SHISA9: variants seen among roughly 807,000 people sequenced by gnomAD.
The protein encoded by SHISA9 is protein shisa-9.
In SHISA9, 13 loss-of-function variants were observed where a neutral mutation model predicts 38.0. The ratio of observed to expected loss-of-function variants is 0.34; its 90% CI spans 0.22 to 0.54. The LOEUF is 0.54. Ranked by LOEUF, SHISA9 falls within the 20% of genes least tolerant of loss-of-function variation. The pLI is 0.91. For missense variants in SHISA9, 538 were observed against 575.8 expected, an observed-to-expected ratio of 0.93 and a Z score of 0.67; for synonymous variants, 275 against 242.0, an observed-to-expected ratio of 1.14 and a Z score of -1.27.
the SHISA9 span, among the ~76,000 whole-genome samples, chr16:13,440,110 C>G: frequency 6.6e-6 from 1 of 152,200 alleles, no homozygotes; most frequent in Non-Finnish European, 1.5e-5. Context: ...AATTATCAGT[C>G]TTACTATCAC....
intron 1 of SHISA9, among the ~76,000 whole-genome samples, chr16:12,907,598 C>A (rs2071119583): frequency 6.6e-6 from 1 of 152,170 alleles, no homozygotes; most frequent in Admixed American, 6.5e-5. Context: ...TTAAAAATTT[C>A]TCACTCGCAC....
intron 2 of SHISA9, among the ~76,000 whole-genome samples, chr16:13,088,119 A>G (rs994508314): frequency 6.6e-6 from 1 of 152,184 alleles, no homozygotes; most frequent in Non-Finnish European, 1.5e-5. Context: ...TTCATCAAAG[A>G]TCAGATGGTT....
intron 2 of SHISA9, among the ~76,000 whole-genome samples, chr16:13,120,819 G>C (rs553426754): frequency 2.2e-4 from 33 of 152,306 alleles, no homozygotes; most frequent in African/African-American, 7.2e-4. Flanking sequence ...ATGCCTGTAT[G>C]ACAGTCAGAT....
At chr16:13,218,974 C>T (rs780849745) in intron 4 of SHISA9, among the ~76,000 whole-genome samples, 4 of 152,086 alleles carry the variant, frequency 2.6e-5, no homozygotes, top group Admixed American at 6.5e-5. Flanking sequence ...GGTCATGAGC[C>T]GCCGGGTGCA....
At chr16:13,107,581 G>A (rs1230895) in intron 2 of SHISA9, among the ~76,000 whole-genome samples, 30,042 of 151,538 alleles carry the variant, frequency 0.2, 3,351 homozygotes, top group Non-Finnish European at 0.25. Context: ...GTGAAGATAG[G>A]TCCAGAATTT....
chr16:13,130,489 A>G, intron 2 of SHISA9, among the ~76,000 whole-genome samples: 1 of 152,124 alleles, frequency 6.6e-6, no homozygotes. Context: ...TTGATACCAC[A>G]TCCTTATATT....
chr16:13,092,612 A>G (rs973228878), intron 2 of SHISA9, among the ~76,000 whole-genome samples: 3 of 152,242 alleles, frequency 2.0e-5, no homozygotes, highest in Non-Finnish European at 4.4e-5. Context: ...CTCCATGGGC[A>G]TGGGACCTGC....
chr16:13,050,279 G>C (rs1169007894), intron 2 of SHISA9, among the ~76,000 whole-genome samples: 3 of 151,922 alleles, frequency 2.0e-5, no homozygotes, highest in African/African-American at 7.3e-5. Flanking sequence ...AGATATTATG[G>C]ATAAATTAAT....
At chr16:13,359,009 A>G in the SHISA9 span, among the ~76,000 whole-genome samples, 1 of 152,196 alleles carries the variant, frequency 6.6e-6, no homozygotes, top group Non-Finnish European at 1.5e-5. Flanking sequence ...TAGAACTTTA[A>G]TAGCTCTGTA....
At chr16:12,931,634 G>T (rs1246605575) in intron 2 of SHISA9, among the ~76,000 whole-genome samples, 1 of 152,156 alleles carries the variant, frequency 6.6e-6, no homozygotes, top group Non-Finnish European at 1.5e-5. Flanking sequence ...TCTTTTTATG[G>T]CTCTGTAGTA....
At chr16:13,287,142 T>C in the SHISA9 span, among the ~76,000 whole-genome samples, 1 of 152,124 alleles carries the variant, frequency 6.6e-6, no homozygotes, top group Non-Finnish European at 1.5e-5. Context: ...AACATGGCCC[T>C]ACAATAAGAT....
At chr16:13,186,590 C>T (rs1470834635) in intron 2 of SHISA9, among the ~76,000 whole-genome samples, 2 of 152,092 alleles carry the variant, frequency 1.3e-5, no homozygotes, top group African/African-American at 4.8e-5. Flanking sequence ...AGCCACCGTG[C>T]CCAGCCATCC....
At chr16:13,176,505 T>C (rs2050732712) in intron 2 of SHISA9, among the ~76,000 whole-genome samples, 1 of 152,164 alleles carries the variant, frequency 6.6e-6, no homozygotes, top group Admixed American at 6.5e-5. Context: ...CTCTTGTGTT[T>C]GATGGTTTTA....
intron 1 of SHISA9, among the ~76,000 whole-genome samples, chr16:12,906,069 C>T (rs937228344): frequency 2.6e-5 from 4 of 152,168 alleles, no homozygotes; most frequent in African/African-American, 9.7e-5. Context: ...CCAAGGGTTG[C>T]TCCAGTGGGT....
chr16:13,375,668 A>G, the SHISA9 span, among the ~76,000 whole-genome samples: 1 of 152,208 alleles, frequency 6.6e-6, no homozygotes, highest in African/African-American at 2.4e-5. Context: ...TCCATTAGCA[A>G]TAGCCAAAAA....
intron 2 of SHISA9, among the ~76,000 whole-genome samples, chr16:13,048,970 A>G (rs537347139): frequency 4.1e-4 from 63 of 152,358 alleles, no homozygotes; most frequent in African/African-American, 1.5e-3. Context: ...TGAGTCTGCC[A>G]TTCAACTCAT....
chr16:13,394,718 C>T, the SHISA9 span, among the ~76,000 whole-genome samples: 1 of 152,146 alleles, frequency 6.6e-6, no homozygotes, highest in Non-Finnish European at 1.5e-5. Context: ...GCACTTAGGA[C>T]AGTATTGTGT....
the SHISA9 span, among the ~76,000 whole-genome samples, chr16:13,459,468 C>T: frequency 6.6e-6 from 1 of 151,282 alleles, no homozygotes; most frequent in Non-Finnish European, 1.5e-5. Flanking sequence ...TAACTTTTAT[C>T]TTTTGCCTGG....
At chr16:13,388,040 C>G in the SHISA9 span, among the ~76,000 whole-genome samples, 3 of 152,100 alleles carry the variant, frequency 2.0e-5, no homozygotes, top group Non-Finnish European at 4.4e-5. Flanking sequence ...TATTTCCATG[C>G]TCATGGGGAG....
Sources: allele counts gnomAD v4.1 joint callset (sites outside exome capture counted in the v4.1 genomes callset), GRCh38; gene constraint gnomAD v4.1.1; transcripts MANE v1.5; gene names NCBI Gene and HGNC (gene_info 2026-07-23, HGNC 2026-07-21).